SNED1: variants seen among roughly 807,000 people sequenced by gnomAD.
The protein encoded by SNED1 is sushi, nidogen and EGF like domains 1, also known as sushi, nidogen and EGF-like domain-containing protein 1.
In SNED1, 81 loss-of-function variants were observed where a neutral mutation model predicts 166.7. That is an observed-to-expected ratio of 0.49 (90% CI 0.41 to 0.58). The LOEUF (loss-of-function observed/expected upper bound fraction) is 0.58. Among genes scored for constraint, SNED1 ranks in the 20% least tolerant of loss-of-function variants. SNED1 has a pLI of 0.00. For synonymous variants in SNED1, 762 were observed against 822.0 expected (o/e 0.93, Z 1.25); for missense variants, 1,604 against 2,000.2 (o/e 0.80, Z 3.78).
intron 12 of SNED1, 100 bp downstream of exon 12, chr2:241,050,033 T>A (rs1321124758): frequency 2.5e-6 from 2 of 784,948 alleles, no homozygotes; most frequent in Non-Finnish European, 4.4e-6. Flanking sequence ...GTTTCGCGAA[T>A]TGCTGACCTC....
At chr2:241,020,872 CCCTCTTA>C (rs1241011652) in intron 1 of SNED1, among the ~76,000 whole-genome samples, 1 of 152,134 alleles carries the variant, frequency 6.6e-6, no homozygotes, top group Non-Finnish European at 1.5e-5. Flanking sequence ...TCTACGGGCC[CCCTCTTA>C]CCTCTGCATG....
upstream of SNED1, among the ~76,000 whole-genome samples, chr2:240,997,999 C>T (rs1391016993): frequency 6.6e-6 from 1 of 152,260 alleles, no homozygotes; most frequent in African/African-American, 2.4e-5. Context: ...CATGCACGCA[C>T]TTGCCCCCAG....
chr2:241,052,745 AGGGCCGGG>A (rs2061907031), intron 15 of SNED1, among the ~76,000 whole-genome samples: 1 of 33,496 alleles, frequency 3.0e-5, no homozygotes, highest in Admixed American at 3.8e-4. Context: ...GGCAGGTGAG[AGGGCCGGG>A]GGGCCAAGCA....
In SNED1 at chr2:241,071,646, G is replaced by GC; in HGVS notation, c.3665dup (p.Ala1223GlyfsTer11). 6.4e-7 allele frequency: 1 copy of GC among 1,573,732 alleles called. No individual in the cohort carries two copies. Among genetic ancestry groups the GC allele is most frequent in the African/African-American group, 1.3e-5 (1 of 74,398 alleles). ...ACCCTCGGGTGCTCAAGAACAGACCGCCCCCGGCGCGCCTGCCGGAGCTGC... is the reference window on the plus strand; with the variant it reads ...ACCCTCGGGTGCTCAAGAACAGACCGCCCCCCGGCGCGCCTGCCGGAGCTGC... On this transcript the variant is annotated frameshift_variant, in exon 25 of 32. Coordinates refer to ENST00000310397, the MANE Select transcript of SNED1 (RefSeq NM_001080437.3). LOFTEE classifies it high-confidence loss of function.
chr2:241,087,599 T>A (rs535155381), intron 30 of SNED1, 124 bp downstream of exon 30: 1 of 1,449,984 alleles, frequency 6.9e-7, no homozygotes, highest in Non-Finnish European at 9.1e-7. Context: ...CTCGCCCAGA[T>A]AGGCAGCCCC....
chr2:241,078,091 G>C (rs562587928), intron 27 of SNED1, among the ~76,000 whole-genome samples: 1 of 152,104 alleles, frequency 6.6e-6, no homozygotes, highest in Admixed American at 6.6e-5. Flanking sequence ...ATCAACTAAC[G>C]AAAGGAAAAG....
At position 241,068,446 on chromosome 2, in the gene SNED1, C is replaced by T. The variant is rs1403325146; in HGVS notation, c.3195-465C>T. Among the ~76,000 whole-genome samples, 1 of 151,972 alleles carries T rather than the reference C, an allele frequency of 6.6e-6. No homozygotes were observed. Among genetic ancestry groups the T allele is most frequent in the African/African-American group, 2.4e-5 (1 of 41,376 alleles). On this transcript the variant is annotated intron_variant, in intron 22 of 31. Coordinates refer to ENST00000310397, the MANE Select transcript of SNED1 (RefSeq NM_001080437.3). The surrounding 1 kb of genome is among the most constrained non-coding windows in gnomAD (Gnocchi z 5.3). ...AAAGAGAAAGCTTCCGAATCGTGCT[C>T]AGCGCAGGCAGGGGTGCAGGAAAAG...
intron 1 of SNED1, among the ~76,000 whole-genome samples, chr2:241,006,099 C>T (rs6743678): frequency 0.089 from 13,585 of 151,978 alleles, 1,413 homozygotes; most frequent in East Asian, 0.32. Context: ...GTCTTTTTTG[C>T]CTGTCCTTCA....
At chr2:241,023,610 G>A (rs2060834503) in intron 1 of SNED1, among the ~76,000 whole-genome samples, 1 of 152,112 alleles carries the variant, frequency 6.6e-6, no homozygotes. Context: ...GATACATTGA[G>A]TATCCCACCA....
chr2:241,037,450 T>C (rs920836041), intron 6 of SNED1, 97 bp downstream of exon 6: 3 of 826,902 alleles, frequency 3.6e-6, no homozygotes, highest in African/African-American at 3.4e-5. Context: ...GTCCAGCAGC[T>C]GTGCATGCTG....
rs932188642 is a variant in SNED1, at chr2:241,075,214, A to G, written c.3916+1850A>G. On this transcript the variant is annotated intron_variant, in intron 27 of 31. Transcript: ENST00000310397. The surrounding 1 kb of genome is among the most constrained non-coding windows in gnomAD (Gnocchi z 4.8). ...GCAGTGCTGCAGTGGATGTTCCTGT[A>G]CAGGTTTTCCAGTACGTGTGCGGGA... 3 of 152,104 alleles carry G rather than the reference A, an allele frequency of 2.0e-5. No individual in the cohort carries two copies. Among genetic ancestry groups the G allele is most frequent in the Non-Finnish European group, 4.4e-5 (3 of 68,026 alleles). 9.4% of individuals were successfully genotyped at this position (152,104 alleles called of 1,614,324 possible). A position where few individuals can be genotyped will look rare whatever the true frequency, so the allele number is the denominator to read the frequency against.
At chr2:241,060,186 A>C (rs921257399) in intron 16 of SNED1, among the ~76,000 whole-genome samples, 1 of 149,028 alleles carries the variant, frequency 6.7e-6, no homozygotes, top group South Asian at 2.1e-4. Context: ...AAAACTATAA[A>C]CTTTTTTTTT....
chr2:241,064,829 T>A lies in SNED1; in HGVS notation c.2600-15T>A, dbSNP rs1406963204. ...GCCACGCCCCAACATACACTGCCACTTTTTCTCCCCTCAGTGAGTGACCCC... is the reference window on the plus strand; with the variant it reads ...GCCACGCCCCAACATACACTGCCACATTTTCTCCCCTCAGTGAGTGACCCC... On this transcript the variant is annotated splice_polypyrimidine_tract_variant and intron_variant, in intron 19 of 31. Transcript: ENST00000310397. The surrounding 1 kb of genome is among the most constrained non-coding windows in gnomAD (Gnocchi z 7.0). The A allele has an allele frequency of 2.6e-6, 4 of 1,565,402 alleles. No individual in the cohort carries two copies. The highest frequency in any genetic ancestry group is 2.0e-5 in the Admixed American group (1 of 49,100).
At position 241,036,787 on chromosome 2, in the gene SNED1, C is replaced by T; in HGVS notation, c.806-3C>T. On this transcript the variant is annotated splice_region_variant and splice_polypyrimidine_tract_variant and intron_variant, in intron 4 of 31. Coordinates refer to ENST00000310397, the MANE Select transcript of SNED1 (RefSeq NM_001080437.3). ...AGGCTCCAGCCCCTCCCTATGTCTG[C>T]AGCGTCCGTGTGCCTGGCCCTGCGC... is the stretch of plus-strand genomic sequence containing the variant. The T allele has an allele frequency of 6.2e-7, 1 of 1,607,242 alleles. No homozygotes were observed. The highest frequency in any genetic ancestry group is 1.1e-5 in the South Asian group (1 of 91,046).
In SNED1 at chr2:241,071,697, C is replaced by T. The variant is rs375264409; in HGVS notation, c.3711C>T (p.Pro1237=). The change falls in exon 25 of 32, where the codon CCC becomes CCT. Residue 1237 remains proline, a synonymous_variant. Coordinates refer to ENST00000310397, the MANE Select transcript of SNED1 (RefSeq NM_001080437.3). ...GCCTGCTCAATGACCACAGCGCCCCCGAGACCCCCACCCAGCCCCCCAGGT... is the reference window on the plus strand; with the variant it reads ...GCCTGCTCAATGACCACAGCGCCCCTGAGACCCCCACCCAGCCCCCCAGGT... ...ELRLLNDHSA[P]ETPTQPPRFS... is the part of the protein sequence containing the mutation. 2.1e-5 allele frequency: 32 copies of T among 1,521,242 alleles called. No individual in the cohort carries two copies. Among genetic ancestry groups the T allele is most frequent in the African/African-American group, 1.8e-4 (13 of 72,872 alleles). 94.2% of individuals were successfully genotyped at this position (1,521,242 alleles called of 1,614,324 possible).
intron 1 of SNED1, among the ~76,000 whole-genome samples, chr2:241,008,493 G>A (rs1020085624): frequency 6.6e-6 from 1 of 152,202 alleles, no homozygotes; most frequent in African/African-American, 2.4e-5. Context: ...TGGTGGTGGG[G>A]GTGGAAGCTC....
chr2:241,089,494 G>A (rs2063769406), intron 31 of SNED1: 6 of 1,471,038 alleles, frequency 4.1e-6, no homozygotes, highest in Non-Finnish European at 5.5e-6. Flanking sequence ...AAAGGTCTGG[G>A]CCGGAGCTCC....
chr2:241,032,495 GGTC>G (rs2061213614), intron 2 of SNED1, among the ~76,000 whole-genome samples: 1 of 142,260 alleles, frequency 7.0e-6, no homozygotes, highest in Admixed American at 6.9e-5. Context: ...GGGGTGGGGG[GGTC>G]GGGGGAGGGA....
intron 2 of SNED1, among the ~76,000 whole-genome samples, chr2:241,032,383 G>A (rs1434773460): frequency 7.9e-5 from 12 of 151,790 alleles, no homozygotes; most frequent in Admixed American, 4.6e-4. Context: ...GTTCATACTC[G>A]GAGCCACATT....
Sources: gnomAD v4.1 joint callset for allele counts (sites outside exome capture counted in the v4.1 genomes callset) on GRCh38, gnomAD v4.1.1 for gene constraint, Gnocchi (gnomAD v3.1) non-coding constraint, MANE v1.5 for transcripts, NCBI Gene and HGNC (gene_info 2026-07-23, HGNC 2026-07-21) for gene names.